Variants in HIGD1B observed in about 807,000 individuals in gnomAD.
HIGD1B encodes the protein HIG1 hypoxia inducible domain family member 1B, also known as HIG1 domain family member 1B.
Under a neutral mutation model 8.8 loss-of-function variants are expected in HIGD1B, and 9 were observed. That is an observed-to-expected ratio of 1.02 (90% CI 0.62 to 1.78). The LOEUF (loss-of-function observed/expected upper bound fraction) is 1.78. Among genes scored for constraint, HIGD1B ranks in the 40% most tolerant of loss-of-function variants. The pLI is 0.00. For synonymous variants in HIGD1B, 47 were observed against 38.8 expected (o/e 1.21, Z -0.78); for missense variants, 126 against 111.8 (o/e 1.13, Z -0.57).
upstream of HIGD1B, among the ~76,000 whole-genome samples, chr17:44,845,857 G>A (rs2050318102): frequency 6.6e-6 from 1 of 152,010 alleles, no homozygotes; most frequent in Non-Finnish European, 1.5e-5. Flanking sequence ...ACTTGAACCT[G>A]GGAGCGGAGG....
upstream of HIGD1B, chr17:44,846,401 T>C (rs1023158208): frequency 6.6e-6 from 1 of 152,332 alleles, no homozygotes; most frequent in African/African-American, 2.4e-5. Flanking sequence ...GGCCGCCCGT[T>C]CTCCTCGTTC....
rs1567724277 is a variant in HIGD1B, at chr17:44,849,251, C to CA, written c.101-2dup. ...GCCCAGGGGCTGTGTTCTCTGCCCACAGGCTTAGGAGGCTGCTTGGTGGTA... is the reference window on the plus strand; with the variant it reads ...GCCCAGGGGCTGTGTTCTCTGCCCACAAGGCTTAGGAGGCTGCTTGGTGGTA... On this transcript the variant is annotated splice_polypyrimidine_tract_variant and splice_region_variant and intron_variant, in intron 1 of 2. Coordinates refer to ENST00000253410, the MANE Select transcript of HIGD1B (RefSeq NM_016438.4). 5 of 1,613,870 alleles carry CA rather than the reference C, an allele frequency of 3.1e-6. No homozygotes were observed. Among genetic ancestry groups the CA allele is most frequent in the Non-Finnish European group, 4.2e-6 (5 of 1,179,912 alleles).
chr17:44,849,986 C>T, intron 2 of HIGD1B: 1 of 225,062 alleles, frequency 4.4e-6, no homozygotes, highest in Non-Finnish European at 9.0e-6. Flanking sequence ...AAGCAGACAG[C>T]CACTTGCTAA....
At chr17:44,850,031 C>T (rs2050411137) in intron 2 of HIGD1B, 5 of 291,256 alleles carry the variant, frequency 1.7e-5, no homozygotes, top group Non-Finnish European at 3.3e-5. Flanking sequence ...CTCACTGAGC[C>T]TCAGTTTCCT....
Position 44,849,250 on chromosome 17 carries a change from A to T in HIGD1B, c.101-4A>T. 1 of 1,613,758 alleles carries T rather than the reference A, an allele frequency of 6.2e-7. No homozygotes were observed. Among genetic ancestry groups the T allele is most frequent in the Non-Finnish European group, 8.5e-7 (1 of 1,179,886 alleles). ...GGCCCAGGGGCTGTGTTCTCTGCCCACAGGCTTAGGAGGCTGCTTGGTGGT... is the reference window on the plus strand; with the variant it reads ...GGCCCAGGGGCTGTGTTCTCTGCCCTCAGGCTTAGGAGGCTGCTTGGTGGT... On this transcript the variant is annotated splice_polypyrimidine_tract_variant and splice_region_variant and intron_variant, in intron 1 of 2. Coordinates refer to ENST00000253410, the MANE Select transcript of HIGD1B (RefSeq NM_016438.4).
intron 1 of HIGD1B, among the ~76,000 whole-genome samples, chr17:44,848,499 G>A (rs1288344709): frequency 6.6e-6 from 1 of 152,214 alleles, no homozygotes; most frequent in Non-Finnish European, 1.5e-5. Flanking sequence ...ACCAAAGTGG[G>A]AAGGGTCAGA....
At chr17:44,849,506 A>G (rs2050391372) in intron 2 of HIGD1B, 118 bp downstream of exon 2, 3 of 1,207,210 alleles carry the variant, frequency 2.5e-6, no homozygotes, top group South Asian at 2.9e-5. Context: ...TCACGCCTGT[A>G]ATCTCAACAC....
At chr17:44,848,932 C>T (rs772971461) in intron 1 of HIGD1B, among the ~76,000 whole-genome samples, 13 of 152,066 alleles carry the variant, frequency 8.5e-5, no homozygotes, top group South Asian at 2.1e-4. Flanking sequence ...TGCACCACCA[C>T]GCCCGGCTAA....
chr17:44,850,132 T>G, intron 2 of HIGD1B, 200 bp from the exon 3 acceptor site: 1 of 541,088 alleles, frequency 1.8e-6, no homozygotes, highest in Non-Finnish European at 3.3e-6. Flanking sequence ...TGAAAGTGTT[T>G]CGTGAACTGT....
chr17:44,849,519 T>C, intron 2 of HIGD1B, 131 bp downstream of exon 2: 1 of 1,068,456 alleles, frequency 9.4e-7, no homozygotes, highest in East Asian at 2.6e-5. Flanking sequence ...CTCAACACTT[T>C]GGGAGGCCAA....
In HIGD1B at chr17:44,848,774, A is replaced by AAT. The variant is rs766139741; in HGVS notation, c.101-465_101-464dup. ...AAATGCCATTGAAGGGCAACAACTC[A>AAT]ATATATATATATATATTTTTGAGAT... On this transcript the variant is annotated intron_variant, in intron 1 of 2. Coordinates refer to ENST00000253410, the MANE Select transcript of HIGD1B (RefSeq NM_016438.4). 6.0e-4 allele frequency among the ~76,000 whole-genome samples: 90 copies of AAT among 150,348 alleles called. 1 individual carries two copies. Among genetic ancestry groups the AAT allele is most frequent in the Middle Eastern group, 6.9e-3 (2 of 290 alleles).
chr17:44,847,426 C>T (rs1435734715), upstream of HIGD1B, among the ~76,000 whole-genome samples: 5 of 152,298 alleles, frequency 3.3e-5, no homozygotes, highest in South Asian at 4.1e-4. Flanking sequence ...GGCGACAGAG[C>T]GAGACTCCGT....
At chr17:44,846,653 G>A (rs186367257), upstream of HIGD1B, among the ~76,000 whole-genome samples, 244 of 152,096 alleles carry the variant, frequency 1.6e-3, no homozygotes, top group African/African-American at 5.8e-3. Context: ...AATTAGCTGA[G>A]CGTGGTAGCA....
At position 44,850,431 on chromosome 17, in the gene HIGD1B, T is replaced by C. The variant is rs754749097; in HGVS notation, c.*35T>C. 1.3e-6 allele frequency: 2 copies of C among 1,488,098 alleles called. No homozygotes were observed. Among genetic ancestry groups the C allele is most frequent in the Non-Finnish European group, 1.9e-6 (2 of 1,069,154 alleles). 92.2% of individuals were successfully genotyped at this position (1,488,098 alleles called of 1,614,324 possible). A position where few individuals can be genotyped will look rare whatever the true frequency, so the allele number is the denominator to read the frequency against. On this transcript the variant is annotated 3_prime_UTR_variant, in exon 3 of 3. Transcript: ENST00000253410. The stretch of plus-strand genomic sequence containing the variant: ...AGGAGCCGGGGCTGTCCAACTCCCC[T>C]AACTCAATCCCTGGTACATTCCTAA...
upstream of HIGD1B, among the ~76,000 whole-genome samples, chr17:44,846,019 A>G (rs577346133): frequency 7.2e-5 from 11 of 152,170 alleles, no homozygotes; most frequent in Non-Finnish European, 1.2e-4. Flanking sequence ...CACATTGTTC[A>G]TAAGAGTATC....
At chr17:44,845,183 G>T (rs906462095), upstream of HIGD1B, among the ~76,000 whole-genome samples, 1 of 151,560 alleles carries the variant, frequency 6.6e-6, no homozygotes, top group African/African-American at 2.4e-5. Context: ...ACTTGAACCC[G>T]GGAGGCAGAG....
chr17:44,847,849 G>GCTTA (rs2050338905), upstream of HIGD1B: 1 of 276,308 alleles, frequency 3.6e-6, no homozygotes, highest in Admixed American at 5.0e-5. Context: ...ACACCCATAG[G>GCTTA]GATGCAGATG....
chr17:44,846,890 C>A (rs2050328314), upstream of HIGD1B, among the ~76,000 whole-genome samples: 1 of 152,104 alleles, frequency 6.6e-6, no homozygotes, highest in Non-Finnish European at 1.5e-5. Context: ...AATCCCTGCA[C>A]TTTGGGAAGC....
intron 1 of HIGD1B, 39 bp downstream of exon 1, chr17:44,848,291 TTC>T (rs751678216): frequency 4.7e-6 from 4 of 855,986 alleles, no homozygotes; most frequent in East Asian, 4.8e-5. Context: ...GTAGGAGGCC[TTC>T]TCTGTCATGT....
Sources: allele counts gnomAD v4.1 joint callset (sites outside exome capture counted in the v4.1 genomes callset), GRCh38; gene constraint gnomAD v4.1.1; transcripts MANE v1.5; gene names NCBI Gene and HGNC (gene_info 2026-07-23, HGNC 2026-07-21).